Variants in FAM107B observed in about 807,000 individuals in gnomAD.
The protein encoded by FAM107B is family with sequence similarity 107 member B.
FAM107B carries 21 observed loss-of-function variants against 31.5 expected under a neutral mutation model. That is an observed-to-expected ratio of 0.67 (90% CI 0.47 to 0.96). The LOEUF is 0.96. Ranked by LOEUF, FAM107B falls within the 40% of genes least tolerant of loss-of-function variation. The pLI, the probability that FAM107B is intolerant of heterozygous loss-of-function variation, is 0.00. For missense variants in FAM107B, 452 were observed against 377.1 expected (o/e 1.20, Z -1.64); for synonymous variants, 157 against 141.5 (o/e 1.11, Z -0.78).
chr10:14,527,503 G>A (rs11259156), intron 3 of FAM107B, among the ~76,000 whole-genome samples: 1,578 of 152,326 alleles, frequency 0.01, 19 homozygotes, highest in African/African-American at 0.036. Context: ...GTAGCTATGC[G>A]TAGCAAAGGT....
chr10:14,758,168 G>A (rs1000444156), intron 1 of FAM107B, among the ~76,000 whole-genome samples: 3 of 152,198 alleles, frequency 2.0e-5, no homozygotes, highest in Admixed American at 6.5e-5. Context: ...ATACGTCATG[G>A]AAACTTCCTT....
At chr10:14,600,008 A>C (rs1852331342) in intron 2 of FAM107B, among the ~76,000 whole-genome samples, 1 of 152,224 alleles carries the variant, frequency 6.6e-6, no homozygotes, top group South Asian at 2.1e-4. Flanking sequence ...TGTCAAAGCA[A>C]CATTACCTCC....
chr10:14,577,194 G>C (rs1851491935), intron 2 of FAM107B, among the ~76,000 whole-genome samples: 1 of 152,172 alleles, frequency 6.6e-6, no homozygotes, highest in African/African-American at 2.4e-5. Context: ...TTCTCGATGT[G>C]TACTTACAAA....
intron 1 of FAM107B, among the ~76,000 whole-genome samples, chr10:14,721,839 C>A (rs1240230518): frequency 1.3e-5 from 2 of 152,144 alleles, no homozygotes; most frequent in South Asian, 2.1e-4. Flanking sequence ...TGCAGAAACT[C>A]TTTAGTTTAA....
At chr10:14,555,229 G>A (rs562762898) in intron 2 of FAM107B, among the ~76,000 whole-genome samples, 28 of 152,214 alleles carry the variant, frequency 1.8e-4, no homozygotes, top group African/African-American at 6.5e-4. Flanking sequence ...GACATAAATT[G>A]AATTTATAAA....
chr10:14,606,168 G>A (rs1852584756), intron 2 of FAM107B, among the ~76,000 whole-genome samples: 1 of 152,098 alleles, frequency 6.6e-6, no homozygotes, highest in South Asian at 2.1e-4. Flanking sequence ...TTTGCTAAGT[G>A]GCCCTGCTCT....
rs75014258 is a variant in FAM107B at position 14,729,381 on chromosome 10, A to G, written c.411+44872T>C. On this transcript the variant is annotated intron_variant, in intron 1 of 4. Coordinates refer to ENST00000181796, the MANE Select transcript of FAM107B (RefSeq NM_031453.4). The stretch of plus-strand genomic sequence containing the variant: ...ATGTAAGCTGCCCAAGGTCATTGCT[A>G]TATGCTACTGACATTAATTAAACCT... Among the ~76,000 whole-genome samples the G allele has an allele frequency of 7.0e-3, 1,062 of 152,306 alleles. 48 individuals carry two copies. In the East Asian group the frequency reaches 0.13, roughly 18 times the overall value.
intron 1 of FAM107B, among the ~76,000 whole-genome samples, chr10:14,674,739 G>A (rs1269042715): frequency 6.6e-6 from 1 of 152,052 alleles, no homozygotes; most frequent in East Asian, 1.9e-4. Flanking sequence ...TGTTTGTTTT[G>A]TTTTGTTGAG....
intron 1 of FAM107B, among the ~76,000 whole-genome samples, chr10:14,700,088 AC>A (rs1175096250): frequency 1.3e-5 from 2 of 152,040 alleles, no homozygotes; most frequent in Non-Finnish European, 2.9e-5. Flanking sequence ...GTGTGCCACC[AC>A]ACCTGGCTAA....
At chr10:14,619,878 T>A (rs1852959821) in intron 2 of FAM107B, among the ~76,000 whole-genome samples, 1 of 148,814 alleles carries the variant, frequency 6.7e-6, no homozygotes. Context: ...GTTGAATTTC[T>A]TTTTTTTTCA....
intron 1 of FAM107B, among the ~76,000 whole-genome samples, chr10:14,736,761 C>T (rs889557590): frequency 6.6e-6 from 1 of 152,112 alleles, no homozygotes; most frequent in Non-Finnish European, 1.5e-5. Context: ...CACAAGCAAG[C>T]AGTATTATTT....
chr10:14,669,553 A>C (rs1054845908), intron 1 of FAM107B, among the ~76,000 whole-genome samples: 4 of 152,226 alleles, frequency 2.6e-5, no homozygotes, highest in African/African-American at 9.6e-5. Context: ...TACACAATGG[A>C]ATACTATTTG....
intron 1 of FAM107B, among the ~76,000 whole-genome samples, chr10:14,689,903 G>A (rs549474466): frequency 2.7e-4 from 41 of 152,160 alleles, no homozygotes; most frequent in Middle Eastern, 3.4e-3. Flanking sequence ...GGTCGAGGCT[G>A]CAGTGAGCTG....
chr10:14,740,798 T>G (rs1273153695), intron 1 of FAM107B, among the ~76,000 whole-genome samples: 1 of 152,194 alleles, frequency 6.6e-6, no homozygotes, highest in South Asian at 2.1e-4. Context: ...ATTTTTAAAA[T>G]GAGCTAGACA....
At chr10:14,711,693 G>A (rs555950292) in intron 1 of FAM107B, among the ~76,000 whole-genome samples, 4 of 152,114 alleles carry the variant, frequency 2.6e-5, no homozygotes, top group East Asian at 1.9e-4. Flanking sequence ...GCGCAGGCTG[G>A]GGTGCAGTGG....
intron 2 of FAM107B, among the ~76,000 whole-genome samples, chr10:14,537,344 T>C (rs1847724529): frequency 6.6e-6 from 1 of 152,204 alleles, no homozygotes; most frequent in Non-Finnish European, 1.5e-5. Flanking sequence ...ATACGGCCCA[T>C]GAGGCAGGGG....
chr10:14,751,815 A>G (rs12360004), intron 1 of FAM107B, among the ~76,000 whole-genome samples: 11,060 of 152,058 alleles, frequency 0.073, 509 homozygotes, highest in East Asian at 0.14. Flanking sequence ...GGCTGCTGAG[A>G]GAAGGTTGTA....
chr10:14,703,055 A>G (rs1855437840), intron 1 of FAM107B, among the ~76,000 whole-genome samples: 1 of 152,210 alleles, frequency 6.6e-6, no homozygotes, highest in Non-Finnish European at 1.5e-5. Flanking sequence ...TCTCCCAGGT[A>G]ATCAGGTATT....
In FAM107B at chr10:14,687,256, C is replaced by T. The variant is rs547977930; in HGVS notation, c.412-19565G>A. 3.9e-5 allele frequency among the ~76,000 whole-genome samples: 6 copies of T among 152,294 alleles called. 1 individual carries two copies. The South Asian group carries it at 1.0e-3, about 26-fold the overall frequency. On this transcript the variant is annotated intron_variant, in intron 1 of 4. Coordinates refer to ENST00000181796, the MANE Select transcript of FAM107B (RefSeq NM_031453.4). ...GAACCTGACCAAATCCACACTTCCC[C>T]GGGCTTCATTTTCTCTTTAACAAAA...
Sources: allele counts gnomAD v4.1 joint callset (sites outside exome capture counted in the v4.1 genomes callset), GRCh38; gene constraint gnomAD v4.1.1; transcripts MANE v1.5; gene names NCBI Gene and HGNC (gene_info 2026-07-23, HGNC 2026-07-21).